Variants in IST1 observed in about 807,000 individuals in gnomAD.
The protein encoded by IST1 is IST1 homolog.
In IST1, 23 loss-of-function variants were observed where a neutral mutation model predicts 37.0. The observed-to-expected ratio is 0.62, with a 90% CI of 0.45 to 0.88. IST1 has a LOEUF of 0.88. IST1 is among the 40% of genes least tolerant of loss of function. The pLI, the probability that IST1 is intolerant of heterozygous loss-of-function variation, is 0.00. For synonymous variants in IST1, 180 were observed against 161.7 expected (o/e 1.11, Z -0.86); for missense variants, 488 against 445.4 (o/e 1.10, Z -0.86).
intron 1 of IST1, among the ~76,000 whole-genome samples, chr16:71,907,334 G>C (rs1160661573): frequency 6.7e-6 from 1 of 149,588 alleles, no homozygotes; most frequent in Non-Finnish European, 1.5e-5. Flanking sequence ...CTGGAGTGCA[G>C]TGGTGCGATC....
rs762613804 is a variant in IST1 at position 71,921,441 on chromosome 16, C to T, written c.540C>T (p.Asp180=). The change falls in exon 6 of 10, where the codon GAC becomes GAT. Residue 180 remains aspartate (D), a synonymous_variant. Coordinates refer to ENST00000378799, the MANE Select transcript of IST1 (RefSeq NM_001270975.2). ...AKNYNVPYEP[D]SVVMAEAPPG... is the part of the protein sequence containing the mutation. ...ATTACAACGTACCCTATGAACCTGA[C>T]TCTGTGGTCATGGTAAGTTTATCCC... 24 of 1,600,124 alleles carry T rather than the reference C, an allele frequency of 1.5e-5. No individual in the cohort carries two copies. The highest frequency in any genetic ancestry group is 1.9e-5 in the Non-Finnish European group (22 of 1,167,374).
chr16:71,894,597 T>G, upstream of IST1: 2 of 441,290 alleles, frequency 4.5e-6, no homozygotes, highest in Non-Finnish European at 4.1e-6. Context: ...GTGATCACGG[T>G]TTACTGCAGC....
intron 1 of IST1, among the ~76,000 whole-genome samples, chr16:71,909,891 T>C (rs1446101635): frequency 6.6e-6 from 1 of 152,230 alleles, no homozygotes; most frequent in East Asian, 1.9e-4. Flanking sequence ...GAATATTTTT[T>C]GTACCTTTTT....
chr16:71,905,777 C>G (rs547018000), intron 1 of IST1, among the ~76,000 whole-genome samples: 64 of 152,290 alleles, frequency 4.2e-4, no homozygotes, highest in African/African-American at 1.4e-3. Flanking sequence ...TACCCTTCTT[C>G]CCTTTATCCC....
In IST1 at chr16:71,931,176, C is replaced by T. The variant is rs893182209; in HGVS notation, c.*3363C>T. On this transcript the variant is annotated 3_prime_UTR_variant, in exon 10 of 10. Coordinates refer to ENST00000378799, the MANE Select transcript of IST1 (RefSeq NM_001270975.2). Reference sequence around the variant, plus strand: ...AAAGCAGAAAAGTTCCTTTTTTATCCCCAAAAGGAGGTGTCAGCAAAAATT... The same window carrying T: ...AAAGCAGAAAAGTTCCTTTTTTATCTCCAAAAGGAGGTGTCAGCAAAAATT... 6.6e-6 allele frequency: 1 copy of T among 151,668 alleles called. No individual in the cohort carries two copies. Among genetic ancestry groups the T allele is most frequent in the Non-Finnish European group, 1.5e-5 (1 of 67,916 alleles). 9.4% of individuals were successfully genotyped at this position (151,668 alleles called of 1,614,324 possible). A position where few individuals can be genotyped will look rare whatever the true frequency, so the allele number is the denominator to read the frequency against.
chr16:71,896,072 C>T (rs766073889), intron 1 of IST1, among the ~76,000 whole-genome samples: 1 of 152,194 alleles, frequency 6.6e-6, no homozygotes, highest in Non-Finnish European at 1.5e-5. Flanking sequence ...TGGGCTTGTT[C>T]CTGGGTTGGG....
intron 1 of IST1, among the ~76,000 whole-genome samples, chr16:71,912,093 C>T (rs1044969940): frequency 1.3e-5 from 2 of 152,132 alleles, no homozygotes; most frequent in African/African-American, 4.8e-5. Context: ...TTTTCTCACT[C>T]ATCATCATGA....
At chr16:71,904,569 G>A (rs1217463412) in intron 1 of IST1, among the ~76,000 whole-genome samples, 1 of 152,068 alleles carries the variant, frequency 6.6e-6, no homozygotes, top group Non-Finnish European at 1.5e-5. Flanking sequence ...ACATGCTACC[G>A]TGTCCAGCTA....
chr16:71,900,327 C>CTTTTTT (rs201344260), intron 1 of IST1, among the ~76,000 whole-genome samples: 6 of 100,504 alleles, frequency 6.0e-5, no homozygotes, highest in East Asian at 4.0e-4. Flanking sequence ...CTTAGGAAGT[C>CTTTTTT]TTTTTTTTTT....
Position 71,922,683 on chromosome 16 carries a change from A to C in IST1, c.759+3A>C, listed in dbSNP as rs1302544637. ...CATATCCACTGCCAAAGGGACCAGT[A>C]AGTATATATAAGTGTGGATGTAAGC... is the stretch of plus-strand genomic sequence containing the variant. On this transcript the variant is annotated splice_donor_region_variant and intron_variant, in intron 7 of 9. Coordinates refer to ENST00000378799, the MANE Select transcript of IST1 (RefSeq NM_001270975.2). 1 of 1,563,918 alleles carries C rather than the reference A, an allele frequency of 6.4e-7. No individual in the cohort carries two copies. Among genetic ancestry groups the C allele is most frequent in the Non-Finnish European group, 8.6e-7 (1 of 1,157,398 alleles).
At chr16:71,918,339 C>T (rs1394429152) in intron 4 of IST1, among the ~76,000 whole-genome samples, 2 of 151,800 alleles carry the variant, frequency 1.3e-5, no homozygotes, top group South Asian at 2.1e-4. Flanking sequence ...TCCAATAGTC[C>T]AATAGGGTAC....
rs554145804 is a variant in IST1 at position 71,902,540 on chromosome 16, G to T, written c.-16+6951G>T. Among the ~76,000 whole-genome samples, 124 of 152,314 alleles carry T rather than the reference G, an allele frequency of 8.1e-4. 1 individual carries two copies. Among genetic ancestry groups the T allele is most frequent in the African/African-American group, 2.9e-3 (122 of 41,578 alleles). On this transcript the variant is annotated intron_variant, in intron 1 of 9. Coordinates refer to ENST00000378799, the MANE Select transcript of IST1 (RefSeq NM_001270975.2). Reference sequence around the variant, plus strand: ...CCGCCTCGGCTTCCCAAAGTGCTGGGATTATAGGCGTAAGCCACCGCGCCC... The same window carrying T: ...CCGCCTCGGCTTCCCAAAGTGCTGGTATTATAGGCGTAAGCCACCGCGCCC...
chr16:71,930,037 C>G lies in IST1; in HGVS notation c.*2224C>G. Reference sequence around the variant, plus strand: ...GTGATATAACAGCATGCTAGTTTATCTTTTAGTTACCTACCTTAAGCGACT... The same window carrying G: ...GTGATATAACAGCATGCTAGTTTATGTTTTAGTTACCTACCTTAAGCGACT... On this transcript the variant is annotated 3_prime_UTR_variant, in exon 10 of 10. Transcript: ENST00000378799. The G allele has an allele frequency of 6.5e-7, 1 of 1,544,066 alleles. No individual in the cohort carries two copies. The highest frequency in any genetic ancestry group is 8.7e-7 in the Non-Finnish European group (1 of 1,144,216).
intron 8 of IST1, chr16:71,923,993 C>G (rs2037675395): frequency 2.6e-6 from 1 of 388,660 alleles, no homozygotes; most frequent in Non-Finnish European, 5.1e-6. Context: ...TACTGAGAAA[C>G]AAATTGGTGT....
At chr16:71,906,135 C>G (rs1464415558) in intron 1 of IST1, among the ~76,000 whole-genome samples, 1 of 151,558 alleles carries the variant, frequency 6.6e-6, no homozygotes, top group Non-Finnish European at 1.5e-5. Flanking sequence ...TCCCGAGTAG[C>G]TGAGACTACA....
chr16:71,917,636 C>T (rs1005055863), intron 4 of IST1, among the ~76,000 whole-genome samples: 6 of 152,210 alleles, frequency 3.9e-5, no homozygotes, highest in Non-Finnish European at 2.9e-5. Context: ...GGATATGGTA[C>T]TGACTCCTAG....
intron 6 of IST1, 160 bp downstream of exon 6, chr16:71,921,613 G>T (rs1000756549): frequency 8.9e-6 from 5 of 564,724 alleles, no homozygotes; most frequent in Non-Finnish European, 1.6e-5. Context: ...TATCTCACAG[G>T]GTACTTAAGG....
At position 71,929,365 on chromosome 16, in the gene IST1, A is replaced by G. The variant is rs894111075; in HGVS notation, c.*1552A>G. On this transcript the variant is annotated 3_prime_UTR_variant, in exon 10 of 10. Transcript: ENST00000378799. ...CTAGTTTGTCTCGTAGTATTCTTGCATTGTTAATCCTATCTTGACAGTGCC... is the reference window on the plus strand; with the variant it reads ...CTAGTTTGTCTCGTAGTATTCTTGCGTTGTTAATCCTATCTTGACAGTGCC... 3 of 602,114 alleles carry G rather than the reference A, an allele frequency of 5.0e-6. No homozygotes were observed. Among genetic ancestry groups the G allele is most frequent in the Non-Finnish European group, 8.1e-6 (3 of 370,332 alleles). 37.3% of individuals were successfully genotyped at this position (602,114 alleles called of 1,614,324 possible).
rs781086954 is a variant in IST1 at position 71,920,828 on chromosome 16, G to T, written c.441+6G>T. 6.3e-7 allele frequency: 1 copy of T among 1,598,818 alleles called. No homozygotes were observed. Among genetic ancestry groups the T allele is most frequent in the Admixed American group, 1.7e-5 (1 of 60,022 alleles). On this transcript the variant is annotated splice_donor_region_variant and intron_variant, in intron 5 of 9. Transcript: ENST00000378799. ...TTGGAACTGTGAATGACAGGGTAAT[G>T]AACATACTTGGTAAACATGAAGGCA...
Sources: allele counts gnomAD v4.1 joint callset (sites outside exome capture counted in the v4.1 genomes callset), GRCh38; gene constraint gnomAD v4.1.1; transcripts MANE v1.5; gene names NCBI Gene and HGNC (gene_info 2026-07-23, HGNC 2026-07-21).